SPPL3: variants seen among roughly 807,000 people sequenced by gnomAD.
SPPL3 encodes signal peptide peptidase like 3.
In SPPL3, 5 loss-of-function variants were observed where a neutral mutation model predicts 42.4. The ratio of observed to expected loss-of-function variants is 0.12; its 90% CI spans 0.06 to 0.25. The LOEUF is 0.25. Ranked by LOEUF, SPPL3 falls within the 10% of genes least tolerant of loss-of-function variation. The pLI is 1.00. For synonymous variants in SPPL3, 195 were observed against 181.8 expected, an observed-to-expected ratio of 1.07 and a Z score of -0.58; for missense variants, 235 against 489.0, an observed-to-expected ratio of 0.48 and a Z score of 4.90.
intron 1 of SPPL3, among the ~76,000 whole-genome samples, chr12:120,902,335 AATGAGT>A (rs1874008516): frequency 6.6e-6 from 1 of 152,228 alleles, no homozygotes; most frequent in South Asian, 2.1e-4. Context: ...GTGAAGACTC[AATGAGT>A]TACTGACTTA....
Position 120,764,717 on chromosome 12 carries a change from T to G in SPPL3, c.*282A>C. ...CCATCTCCCCCAGAAGGTAACAGTC[T>G]GGTGCAGATCCATAAAAACGTGGGA... On this transcript the variant is annotated 3_prime_UTR_variant, in exon 11 of 11. Coordinates refer to ENST00000353487, the MANE Select transcript of SPPL3 (RefSeq NM_139015.5). 2.4e-6 allele frequency: 1 copy of G among 413,826 alleles called. No homozygotes were observed. Among genetic ancestry groups the G allele is most frequent in the Non-Finnish European group, 4.3e-6 (1 of 234,918 alleles). 25.6% of individuals were successfully genotyped at this position (413,826 alleles called of 1,614,324 possible).
chr12:120,813,984 A>G (rs552663553), intron 1 of SPPL3, among the ~76,000 whole-genome samples: 2 of 152,202 alleles, frequency 1.3e-5, no homozygotes, highest in Non-Finnish European at 2.9e-5. Context: ...CTGCTCAAAA[A>G]AACTCTCCAA....
At chr12:120,788,289 C>T (rs1869790974) in intron 3 of SPPL3, among the ~76,000 whole-genome samples, 1 of 152,160 alleles carries the variant, frequency 6.6e-6, no homozygotes, top group African/African-American at 2.4e-5. Context: ...GCCATAGTTC[C>T]TGGCAGGCCT....
intron 1 of SPPL3, among the ~76,000 whole-genome samples, chr12:120,882,033 G>T (rs988618861): frequency 4.6e-5 from 7 of 151,988 alleles, no homozygotes; most frequent in African/African-American, 1.7e-4. Context: ...CCAGAAAAAA[G>T]TCGTAAGTTT....
chr12:120,772,673 C>CT (rs1171104741), intron 6 of SPPL3, among the ~76,000 whole-genome samples: 2 of 152,166 alleles, frequency 1.3e-5, no homozygotes, highest in Non-Finnish European at 2.9e-5. Flanking sequence ...AATACAGCAG[C>CT]TTGGCAGACC....
chr12:120,899,556 A>C (rs1873909862), intron 1 of SPPL3, among the ~76,000 whole-genome samples: 1 of 152,096 alleles, frequency 6.6e-6, no homozygotes, highest in South Asian at 2.1e-4. Context: ...CATTTACATG[A>C]GATAAGGAAG....
intron 1 of SPPL3, among the ~76,000 whole-genome samples, chr12:120,867,417 A>G (rs1427151179): frequency 2.6e-5 from 4 of 152,182 alleles, no homozygotes; most frequent in Admixed American, 6.5e-5. Context: ...CTGTAATCCC[A>G]GCACTTTGGA....
intron 1 of SPPL3, among the ~76,000 whole-genome samples, chr12:120,887,264 T>G (rs934772298): frequency 6.6e-6 from 1 of 152,170 alleles, no homozygotes; most frequent in Non-Finnish European, 1.5e-5. Context: ...AGTATCACCT[T>G]TTTAAAAAAA....
intron 1 of SPPL3, among the ~76,000 whole-genome samples, chr12:120,852,900 T>G (rs1171809988): frequency 6.5e-5 from 1 of 15,338 alleles, no homozygotes; most frequent in Non-Finnish European, 3.5e-4. Flanking sequence ...CATATATATA[T>G]ATATATTTTT....
intron 1 of SPPL3, among the ~76,000 whole-genome samples, chr12:120,816,342 A>C (rs1368888960): frequency 6.6e-6 from 1 of 152,220 alleles, no homozygotes; most frequent in Non-Finnish European, 1.5e-5. Flanking sequence ...ATTAAAGTTC[A>C]CCCCTAATAT....
At chr12:120,788,944 C>T (rs1869814348) in intron 3 of SPPL3, among the ~76,000 whole-genome samples, 1 of 152,146 alleles carries the variant, frequency 6.6e-6, no homozygotes, top group African/African-American at 2.4e-5. Context: ...TCCTGTTTTC[C>T]ATGTCATCCT....
chr12:120,894,984 G>A (rs1873756658), intron 1 of SPPL3, among the ~76,000 whole-genome samples: 1 of 151,586 alleles, frequency 6.6e-6, no homozygotes. Flanking sequence ...CCTGCTAACA[G>A]CTCCTCCTCA....
At position 120,879,427 on chromosome 12, in the gene SPPL3, T is replaced by A. The variant is rs559504774; in HGVS notation, c.23+24418A>T. The stretch of plus-strand genomic sequence containing the variant: ...CAAGAAAATAGAATGCAACTGTGAG[T>A]GGTACTTCCCAAAATAATGTTAAAG... On this transcript the variant is annotated intron_variant, in intron 1 of 10. Transcript: ENST00000353487. Among the ~76,000 whole-genome samples the A allele has an allele frequency of 3.3e-5, 5 of 152,194 alleles. No individual in the cohort carries two copies. In the South Asian group the frequency reaches 1.0e-3, roughly 32 times the overall value.
chr12:120,825,070 G>A (rs1259660854), intron 1 of SPPL3, among the ~76,000 whole-genome samples: 1 of 150,774 alleles, frequency 6.6e-6, no homozygotes, highest in Non-Finnish European at 1.5e-5. Flanking sequence ...CTACTGGATA[G>A]TCATTATATT....
chr12:120,794,205 C>G (rs1286692994), intron 2 of SPPL3, among the ~76,000 whole-genome samples: 3 of 152,144 alleles, frequency 2.0e-5, no homozygotes, highest in African/African-American at 7.2e-5. Context: ...TATATTAATA[C>G]AGCCATTCCA....
intron 1 of SPPL3, among the ~76,000 whole-genome samples, chr12:120,833,681 GA>G (rs1275744910): frequency 0.014 from 700 of 48,960 alleles, 36 homozygotes; most frequent in African/African-American, 0.027. Context: ...AAAAAAAAAA[GA>G]AAAAAAAAAA....
At chr12:120,792,791 C>T (rs566806210) in intron 2 of SPPL3, among the ~76,000 whole-genome samples, 1 of 152,012 alleles carries the variant, frequency 6.6e-6, no homozygotes, top group South Asian at 2.1e-4. Flanking sequence ...TGGACATCAG[C>T]CACATCATGT....
intron 1 of SPPL3, among the ~76,000 whole-genome samples, chr12:120,812,761 C>A (rs1870725242): frequency 6.6e-6 from 1 of 152,208 alleles, no homozygotes; most frequent in Non-Finnish European, 1.5e-5. Context: ...CTTGCTCTAC[C>A]ACTTACTAGT....
intron 6 of SPPL3, among the ~76,000 whole-genome samples, chr12:120,778,400 AGCCACC>A (rs1869411586): frequency 6.6e-6 from 1 of 152,058 alleles, no homozygotes; most frequent in Non-Finnish European, 1.5e-5. Context: ...TACAAGCATG[AGCCACC>A]GCGCCCGGCC....
Sources: gnomAD v4.1 joint callset for allele counts (sites outside exome capture counted in the v4.1 genomes callset) on GRCh38, gnomAD v4.1.1 for gene constraint, MANE v1.5 for transcripts, NCBI Gene and HGNC (gene_info 2026-07-23, HGNC 2026-07-21) for gene names.